FGD3: variants seen among roughly 807,000 people sequenced by gnomAD.
The protein encoded by FGD3 is FYVE, RhoGEF and PH domain containing 3.
Under a neutral mutation model 71.8 loss-of-function variants are expected in FGD3, and 45 were observed. The observed-to-expected ratio is 0.63, with a 90% CI of 0.49 to 0.80. The LOEUF (loss-of-function observed/expected upper bound fraction) is 0.80. Ranked by LOEUF, FGD3 falls within the 30% of genes least tolerant of loss-of-function variation. FGD3 has a pLI of 0.00. For synonymous variants in FGD3, 378 were observed against 392.8 expected (o/e 0.96, Z 0.44); for missense variants, 844 against 951.5 (o/e 0.89, Z 1.49).
chr9:93,013,750 C>G, intron 8 of FGD3, 102 bp from the exon 9 acceptor site: 1 of 1,479,446 alleles, frequency 6.8e-7, no homozygotes, highest in Non-Finnish European at 9.3e-7. Context: ...TCATTGCCCT[C>G]TCTGGATTCT....
chr9:92,996,628 C>T (rs537221584), intron 3 of FGD3, among the ~76,000 whole-genome samples: 3 of 151,658 alleles, frequency 2.0e-5, no homozygotes, highest in South Asian at 4.2e-4. Context: ...CTATAAATTT[C>T]GCTCTACACC....
In FGD3 at chr9:92,976,476, C is replaced by T. The variant is rs1214244203; in HGVS notation, c.220C>T (p.Arg74Trp). 1.1e-5 allele frequency: 18 copies of T among 1,611,716 alleles called. No individual in the cohort carries two copies. The highest frequency in any genetic ancestry group is 4.4e-5 in the South Asian group (4 of 90,658). The change falls in exon 3 of 18, where the codon CGG (arginine) becomes TGG (tryptophan). Residue 74 changes from arginine (R) to tryptophan (W), a missense_variant. Coordinates refer to ENST00000375482, the MANE Select transcript of FGD3 (RefSeq NM_001083536.2). ...ELSGSLKIPN[R>W]DSGIDSPSSS... ...GAGTGGTAGCTTAAAGATCCCCAAC[C>T]GGGACAGCGGGATCGACAGTCCCTC...
intron 3 of FGD3, among the ~76,000 whole-genome samples, chr9:92,987,668 A>G (rs1383900480): frequency 6.6e-6 from 1 of 152,096 alleles, no homozygotes; most frequent in Non-Finnish European, 1.5e-5. Context: ...CCAGGGAGTT[A>G]CATCCCTTCG....
At chr9:92,998,509 C>T (rs930080359) in intron 3 of FGD3, among the ~76,000 whole-genome samples, 6 of 152,130 alleles carry the variant, frequency 3.9e-5, no homozygotes, top group South Asian at 2.1e-4. Context: ...AGCTTTGTTC[C>T]GTTGCTGGCA....
chr9:92,957,317 A>G (rs969332289), intron 1 of FGD3, among the ~76,000 whole-genome samples: 3 of 152,258 alleles, frequency 2.0e-5, no homozygotes, highest in African/African-American at 7.2e-5. Flanking sequence ...TGCTTCCACC[A>G]GCATGAGAGT....
At chr9:93,014,144 C>T in intron 9 of FGD3, 146 bp downstream of exon 9, 1 of 1,043,114 alleles carries the variant, frequency 9.6e-7, no homozygotes, top group Non-Finnish European at 1.3e-6. Flanking sequence ...CTCTGAGACC[C>T]TCAGCATCCC....
At chr9:92,958,846 C>T (rs905924512) in intron 1 of FGD3, among the ~76,000 whole-genome samples, 4 of 152,212 alleles carry the variant, frequency 2.6e-5, no homozygotes, top group Admixed American at 2.0e-4. Flanking sequence ...TGTACTGGCA[C>T]CTTCATTGAA....
rs1210224460 is a variant in FGD3 at position 93,011,370 on chromosome 9, G to A, written c.1035+98G>A. On this transcript the variant is annotated intron_variant, in intron 8 of 17. Coordinates refer to ENST00000375482, the MANE Select transcript of FGD3 (RefSeq NM_001083536.2). Reference sequence around the variant, plus strand: ...AGCCCCTTTGCCGCTATCCTTTGGGGGGCTCCACAAGTGACTCTTTTATAC... The same window carrying A: ...AGCCCCTTTGCCGCTATCCTTTGGGAGGCTCCACAAGTGACTCTTTTATAC... The A allele has an allele frequency of 2.7e-6, 4 of 1,459,440 alleles. No homozygotes were observed. The African/African-American group carries it at 4.2e-5, about 15-fold the overall frequency. 90.4% of individuals were successfully genotyped at this position (1,459,440 alleles called of 1,614,324 possible).
chr9:92,995,746 T>A (rs2118666956), intron 3 of FGD3, among the ~76,000 whole-genome samples: 1 of 152,354 alleles, frequency 6.6e-6, no homozygotes, highest in South Asian at 2.1e-4. Flanking sequence ...GTGGTTTTTG[T>A]CTTTGGTTCT....
chr9:92,986,563 G>C (rs1860194726), intron 3 of FGD3, among the ~76,000 whole-genome samples: 1 of 152,234 alleles, frequency 6.6e-6, no homozygotes, highest in South Asian at 2.1e-4. Context: ...TGACATAAAA[G>C]AAGAACCTCT....
intron 11 of FGD3, among the ~76,000 whole-genome samples, chr9:93,019,429 G>A (rs893307609): frequency 2.0e-5 from 3 of 152,196 alleles, no homozygotes; most frequent in Non-Finnish European, 2.9e-5. Flanking sequence ...AATTGTAGCC[G>A]TCAGATTGCT....
At chr9:92,971,657 C>A (rs745444798) in intron 1 of FGD3, among the ~76,000 whole-genome samples, 3 of 146,172 alleles carry the variant, frequency 2.1e-5, no homozygotes, top group Non-Finnish European at 3.0e-5. Flanking sequence ...CTCACTGCAA[C>A]CTCCGCCTCC....
chr9:92,963,249 GCAC>G (rs1859207406), intron 1 of FGD3, among the ~76,000 whole-genome samples: 1 of 152,208 alleles, frequency 6.6e-6, no homozygotes, highest in Non-Finnish European at 1.5e-5. Context: ...ACCTGCGGCA[GCAC>G]CTGGCACAGG....
intron 1 of FGD3, among the ~76,000 whole-genome samples, chr9:92,956,703 A>G (rs981754729): frequency 6.6e-6 from 1 of 152,208 alleles, no homozygotes; most frequent in African/African-American, 2.4e-5. Flanking sequence ...ACCAGGATAA[A>G]CTAAGACACT....
chr9:92,984,802 C>A (rs1375246290), intron 3 of FGD3, among the ~76,000 whole-genome samples: 1 of 147,794 alleles, frequency 6.8e-6, no homozygotes, highest in Non-Finnish European at 1.5e-5. Flanking sequence ...GGGTGTGAAT[C>A]TTTTTTTTCT....
At chr9:92,984,819 T>C (rs1860131370) in intron 3 of FGD3, among the ~76,000 whole-genome samples, 1 of 151,954 alleles carries the variant, frequency 6.6e-6, no homozygotes, top group Non-Finnish European at 1.5e-5. Context: ...TTCTTTTTTT[T>C]TTTTTTGGAG....
At position 92,989,889 on chromosome 9, in the gene FGD3, G is replaced by GT. The variant is rs997965231; in HGVS notation, c.454-13026dup. Among the ~76,000 whole-genome samples, 234 of 99,250 alleles carry GT rather than the reference G, an allele frequency of 2.4e-3. 2 individuals are homozygous for GT. The highest frequency in any genetic ancestry group is 7.5e-3 in the African/African-American group (196 of 26,150). 65.1% of individuals were successfully genotyped at this position (99,250 alleles called of 152,430 possible). A position where few individuals can be genotyped will look rare whatever the true frequency, so the allele number is the denominator to read the frequency against. Reference sequence around the variant, plus strand: ...TTGGCATTATGAATTGGGGTCCTGTGTTTTTTTTTTCCTTTCACACCTTGT... The same window carrying GT: ...TTGGCATTATGAATTGGGGTCCTGTGTTTTTTTTTTTCCTTTCACACCTTGT... On this transcript the variant is annotated intron_variant, in intron 3 of 17. Transcript: ENST00000375482.
At chr9:92,993,645 G>A (rs1022659672) in intron 3 of FGD3, among the ~76,000 whole-genome samples, 3 of 152,070 alleles carry the variant, frequency 2.0e-5, no homozygotes, top group Non-Finnish European at 2.9e-5. Context: ...GCCCTAGTTT[G>A]TGATATTCCT....
chr9:92,986,306 T>A (rs989202389), intron 3 of FGD3, among the ~76,000 whole-genome samples: 2 of 152,220 alleles, frequency 1.3e-5, no homozygotes, highest in Non-Finnish European at 2.9e-5. Flanking sequence ...GAGTCCCATC[T>A]CTCATGTTCT....
Sources: gnomAD v4.1 joint callset for allele counts (sites outside exome capture counted in the v4.1 genomes callset) on GRCh38, gnomAD v4.1.1 for gene constraint, MANE v1.5 for transcripts, NCBI Gene and HGNC (gene_info 2026-07-23, HGNC 2026-07-21) for gene names.